Variants in TENM2 observed in about 807,000 individuals in gnomAD.
The protein encoded by TENM2 is teneurin-2.
In TENM2, 52 loss-of-function variants were observed where a neutral mutation model predicts 245.2. The ratio of observed to expected loss-of-function variants is 0.21; its 90% CI spans 0.17 to 0.27. The LOEUF (loss-of-function observed/expected upper bound fraction) is 0.27, where lower values mean the gene tolerates loss of function less well. Ranked by LOEUF, TENM2 falls within the 10% of genes least tolerant of loss-of-function variation. TENM2 has a pLI of 1.00. For missense variants in TENM2, 3,046 were observed against 3,666.8 expected, an observed-to-expected ratio of 0.83 and a Z score of 4.37; for synonymous variants, 1,363 against 1,438.9, an observed-to-expected ratio of 0.95 and a Z score of 1.19.
the TENM2 span, among the ~76,000 whole-genome samples, chr5:167,069,557 C>A: frequency 6.6e-6 from 1 of 152,100 alleles, no homozygotes; most frequent in African/African-American, 2.4e-5. Flanking sequence ...CATCAATAAT[C>A]TAGAAAGTAC....
At chr5:167,357,654 A>G (rs912228178) in intron 1 of TENM2, among the ~76,000 whole-genome samples, 2 of 152,168 alleles carry the variant, frequency 1.3e-5, no homozygotes, top group Non-Finnish European at 2.9e-5. Flanking sequence ...TAATTATTTT[A>G]TGTGAATCAA....
chr5:168,204,406 C>G, exon 19 of TENM2: 1 of 1,613,978 alleles, frequency 6.2e-7, no homozygotes, highest in Non-Finnish European at 8.5e-7. Flanking sequence ...AAAACCAGTT[C>G]CTGACCCAGC....
chr5:167,104,664 T>C, the TENM2 span, among the ~76,000 whole-genome samples: 5 of 152,174 alleles, frequency 3.3e-5, no homozygotes, highest in Non-Finnish European at 5.9e-5. Context: ...AATTTTGATG[T>C]TTTTATGGGT....
the TENM2 span, among the ~76,000 whole-genome samples, chr5:167,068,435 G>C: frequency 0.43 from 65,847 of 152,070 alleles, 14,885 homozygotes; most frequent in African/African-American, 0.52. Context: ...AATAATGAGA[G>C]AGGAAAGCTG....
chr5:167,239,568 A>T, the TENM2 span, among the ~76,000 whole-genome samples: 2 of 152,156 alleles, frequency 1.3e-5, no homozygotes, highest in African/African-American at 2.4e-5. Flanking sequence ...TCCCAGAATG[A>T]ATCACACCAA....
intron 2 of TENM2, among the ~76,000 whole-genome samples, chr5:167,444,800 T>C (rs576739778): frequency 1.3e-5 from 2 of 152,250 alleles, no homozygotes; most frequent in Non-Finnish European, 2.9e-5. Flanking sequence ...AAATGAGCAT[T>C]GGGGCAAGTA....
chr5:167,044,906 C>A, the TENM2 span, among the ~76,000 whole-genome samples: 1 of 152,148 alleles, frequency 6.6e-6, no homozygotes, highest in African/African-American at 2.4e-5. Context: ...CGAGTGTGGA[C>A]AACTCTTCCA....
At chr5:168,160,118 G>A (rs72835007) in intron 12 of TENM2, among the ~76,000 whole-genome samples, 7,713 of 152,228 alleles carry the variant, frequency 0.051, 280 homozygotes, top group Non-Finnish European at 0.075. Context: ...TGTATTTTCC[G>A]TGATCCATTC....
At chr5:167,340,350 A>G (rs764388283) in intron 1 of TENM2, among the ~76,000 whole-genome samples, 1 of 152,244 alleles carries the variant, frequency 6.6e-6, no homozygotes, top group Non-Finnish European at 1.5e-5. Flanking sequence ...GGGTGCAATA[A>G]CAAAATATCA....
At chr5:168,209,009 T>A (rs6892072) in intron 19 of TENM2, among the ~76,000 whole-genome samples, 22,738 of 152,178 alleles carry the variant, frequency 0.15, 2,387 homozygotes, top group African/African-American at 0.3. Flanking sequence ...TGTTTTTCTA[T>A]ACTTTTTGGC....
chr5:168,009,455 T>C (rs1275640750), intron 5 of TENM2, among the ~76,000 whole-genome samples: 1 of 152,228 alleles, frequency 6.6e-6, no homozygotes, highest in Non-Finnish European at 1.5e-5. Context: ...TATGGGTTTA[T>C]GGATTGGGCA....
intron 2 of TENM2, among the ~76,000 whole-genome samples, chr5:167,861,913 T>G (rs567770588): frequency 2.1e-4 from 32 of 152,210 alleles, no homozygotes; most frequent in Non-Finnish European, 4.3e-4. Context: ...CAAGGGAGAG[T>G]GCTGAATATG....
At chr5:167,196,512 G>GTGTGTATATATATATA in the TENM2 span, among the ~76,000 whole-genome samples, 1 of 144,240 alleles carries the variant, frequency 6.9e-6, no homozygotes, top group African/African-American at 2.8e-5. Context: ...ATATATATGT[G>GTGTGTATATATATATA]TGTGTATATA....
At chr5:168,001,588 A>C (rs2152042630) in intron 5 of TENM2, among the ~76,000 whole-genome samples, 1 of 152,342 alleles carries the variant, frequency 6.6e-6, no homozygotes, top group Non-Finnish European at 1.5e-5. Context: ...TGTGCTCTGA[A>C]ATGCCTTGCT....
chr5:168,262,789 G>A (rs1287535939), exon 29 of TENM2: 7 of 1,604,642 alleles, frequency 4.4e-6, no homozygotes, highest in Non-Finnish European at 6.0e-6. Flanking sequence ...TTTTAAGACA[G>A]AATGAGATGG....
chr5:167,873,721 T>G (rs1773177099), intron 2 of TENM2, among the ~76,000 whole-genome samples: 1 of 152,016 alleles, frequency 6.6e-6, no homozygotes, highest in African/African-American at 2.4e-5. Context: ...ATGAGGGAGG[T>G]ATTGATTAAA....
the TENM2 span, among the ~76,000 whole-genome samples, chr5:167,148,035 A>T: frequency 6.6e-6 from 1 of 152,196 alleles, no homozygotes; most frequent in African/African-American, 2.4e-5. Context: ...TAACATGAAG[A>T]TGATCACAAT....
intron 11 of TENM2, 45 bp downstream of exon 13, chr5:168,125,095 C>G (rs1562190019): frequency 1.3e-6 from 2 of 1,517,752 alleles, no homozygotes. Context: ...CACTCCTGCC[C>G]TGTGTTCCAT....
At chr5:167,272,849 A>G in the TENM2 span, among the ~76,000 whole-genome samples, 1 of 152,188 alleles carries the variant, frequency 6.6e-6, no homozygotes, top group Admixed American at 6.5e-5. Flanking sequence ...GATGCGAGAG[A>G]TACACATTTA....
Sources: gnomAD v4.1 joint callset for allele counts (sites outside exome capture counted in the v4.1 genomes callset) on GRCh38, gnomAD v4.1.1 for gene constraint, MANE v1.5 for transcripts, NCBI Gene and HGNC (gene_info 2026-07-23, HGNC 2026-07-21) for gene names.